The following OASL variants were observed in gnomAD, a reference collection of about 807,000 sequenced individuals.
OASL encodes the protein 2'-5'-oligoadenylate synthetase like.
A neutral mutation model predicts 35.3 loss-of-function variants in OASL; 28 were observed. The observed-to-expected ratio is 0.79, with a 90% CI of 0.59 to 1.09. OASL has a LOEUF of 1.09. OASL is among the 50% of genes least tolerant of loss of function. OASL has a pLI of 0.00. For missense variants in OASL, 620 were observed against 635.2 expected (o/e 0.98, Z 0.26); for synonymous variants, 252 against 254.6 (o/e 0.99, Z 0.10).
At chr12:121,029,615 G>A (rs1592936404) in intron 3 of OASL, among the ~76,000 whole-genome samples, 1 of 152,050 alleles carries the variant, frequency 6.6e-6, no homozygotes, top group Admixed American at 6.5e-5. Flanking sequence ...ATGAACCCGG[G>A]AGGCGGAGCT....
At chr12:121,028,184 A>G (rs1357162519) in intron 3 of OASL, among the ~76,000 whole-genome samples, 1 of 152,226 alleles carries the variant, frequency 6.6e-6, no homozygotes, top group Non-Finnish European at 1.5e-5. Flanking sequence ...AGGTTTCCTT[A>G]GATAGAGGGA....
At chr12:121,038,497 A>G (rs1308399077) in intron 1 of OASL, among the ~76,000 whole-genome samples, 2 of 152,226 alleles carry the variant, frequency 1.3e-5, no homozygotes, top group African/African-American at 4.8e-5. Context: ...TAAACTGGGC[A>G]AAGAATAGTA....
At chr12:121,020,926 G>C (rs752150672) in exon 6 of OASL, 1 of 1,614,184 alleles carries the variant, frequency 6.2e-7, no homozygotes, top group Non-Finnish European at 8.5e-7. Context: ...AAGGACAGAC[G>C]CTGCAGGCCA....
At chr12:121,030,565 G>A (rs1048405667) in intron 3 of OASL, among the ~76,000 whole-genome samples, 3 of 151,754 alleles carry the variant, frequency 2.0e-5, no homozygotes, top group Non-Finnish European at 4.4e-5. Flanking sequence ...TAACTTCTCT[G>A]CAAGTTCTAT....
exon 6 of OASL, chr12:121,020,210 T>C (rs896454022): frequency 9.4e-6 from 2 of 212,354 alleles, no homozygotes; most frequent in Admixed American, 1.1e-4. Context: ...CACAGCTCAC[T>C]GCAGCTTCAG....
At chr12:121,034,520 TC>T (rs1237021634) in intron 1 of OASL, among the ~76,000 whole-genome samples, 1 of 152,152 alleles carries the variant, frequency 6.6e-6, no homozygotes, top group Non-Finnish European at 1.5e-5. Context: ...AATGGTAGCA[TC>T]TACTCCATAG....
chr12:121,021,803 T>C (rs1203038234), intron 5 of OASL, among the ~76,000 whole-genome samples: 2 of 152,120 alleles, frequency 1.3e-5, no homozygotes, highest in South Asian at 2.1e-4. Context: ...AAAGGGAGAC[T>C]CTGTCTCAAA....
At chr12:121,033,310 T>C in intron 2 of OASL, 151 bp downstream of exon 2, 5 of 699,898 alleles carry the variant, frequency 7.1e-6, no homozygotes, top group South Asian at 5.6e-5. Context: ...GAGTTAATCC[T>C]GTGCACTGCA....
At chr12:121,035,540 C>CAAAACAACAA (rs1555216047) in intron 1 of OASL, among the ~76,000 whole-genome samples, 11 of 42,990 alleles carry the variant, frequency 2.6e-4, no homozygotes, top group African/African-American at 5.2e-4. Context: ...AACAAAACAA[C>CAAAACAACAA]AAAAAAAAAC....
intron 4 of OASL, among the ~76,000 whole-genome samples, chr12:121,026,851 TAAAA>T (rs576220572): frequency 5.8e-5 from 8 of 136,880 alleles, no homozygotes; most frequent in African/African-American, 2.1e-4. Context: ...AACTCTGTCT[TAAAA>T]AAAAAAAAAA....
chr12:121,030,340 G>A (rs965215369), intron 3 of OASL, among the ~76,000 whole-genome samples: 2 of 152,118 alleles, frequency 1.3e-5, no homozygotes, highest in African/African-American at 4.8e-5. Flanking sequence ...GAGTAGCTGG[G>A]ACTACAGGCG....
chr12:121,024,800 T>C (rs1239703131), intron 4 of OASL, among the ~76,000 whole-genome samples: 1 of 152,026 alleles, frequency 6.6e-6, no homozygotes, highest in Non-Finnish European at 1.5e-5. Flanking sequence ...CTGAATTACT[T>C]TGGATAGTAG....
At chr12:121,024,093 T>C in exon 5 of OASL, 3 of 1,614,100 alleles carry the variant, frequency 1.9e-6, no homozygotes, top group Non-Finnish European at 2.5e-6. Context: ...TCTGTACCCT[T>C]CTGCCACGTT....
At chr12:121,023,534 C>T (rs1869342112) in intron 5 of OASL, among the ~76,000 whole-genome samples, 1 of 152,122 alleles carries the variant, frequency 6.6e-6, no homozygotes, top group African/African-American at 2.4e-5. Context: ...AAGTGATCCA[C>T]CTGTCTTGGC....
intron 1 of OASL, 126 bp from the exon 2 acceptor site, chr12:121,033,869 C>G: frequency 3.1e-5 from 28 of 916,570 alleles, no homozygotes; most frequent in Non-Finnish European, 4.3e-5. Flanking sequence ...GTGGGTAGTA[C>G]TAATACCCAC....
At chr12:121,035,570 A>C (rs1353280356) in intron 1 of OASL, among the ~76,000 whole-genome samples, 5 of 151,476 alleles carry the variant, frequency 3.3e-5, no homozygotes, top group Admixed American at 3.3e-4. Flanking sequence ...TCCTGTATTG[A>C]GGTGGGTACT....
chr12:121,023,996 G>GT lies in OASL; in HGVS notation c.1040dup (p.Asn347LysfsTer28). ...CCCAGAGAGGAGCCATTACCTTCAC[G>GT]TTCCAGCTGGAGATGGGGTTCTCCC... On this transcript the variant is annotated frameshift_variant, in exon 5 of 6. Coordinates refer to ENST00000257570, the Ensembl canonical transcript of OASL. LOFTEE classifies it low-confidence loss of function (END_TRUNC). The GT allele has an allele frequency of 6.2e-7, 1 of 1,614,062 alleles. No individual in the cohort carries two copies. Among genetic ancestry groups the GT allele is most frequent in the African/African-American group, 1.3e-5 (1 of 75,030 alleles).
chr12:121,027,805 T>G, exon 4 of OASL: 5 of 1,613,726 alleles, frequency 3.1e-6, no homozygotes, highest in Non-Finnish European at 4.2e-6. Flanking sequence ...CTGGGGGACC[T>G]GGCTTTCACA....
chr12:121,023,292 T>C (rs79719916), intron 5 of OASL, among the ~76,000 whole-genome samples: 22 of 116,234 alleles, frequency 1.9e-4, no homozygotes, highest in Admixed American at 7.3e-4. Flanking sequence ...TTTTTCTTTT[T>C]TTCTTTTTTT....
Sources: allele counts gnomAD v4.1 joint callset (sites outside exome capture counted in the v4.1 genomes callset), GRCh38; gene constraint gnomAD v4.1.1; transcripts MANE v1.5; gene names NCBI Gene and HGNC (gene_info 2026-07-23, HGNC 2026-07-21).